CBR4: variants seen among roughly 807,000 people sequenced by gnomAD.
CBR4 encodes carbonyl reductase 4.
In CBR4, 22 loss-of-function variants were observed where a neutral mutation model predicts 21.0. The observed-to-expected ratio is 1.05, with a 90% CI of 0.75 to 1.50. The LOEUF (loss-of-function observed/expected upper bound fraction) is 1.50. CBR4 is among the 40% of genes most tolerant of loss of function. The pLI is 0.00. For synonymous variants in CBR4, 100 were observed against 104.4 expected (o/e 0.96, Z 0.26); for missense variants, 302 against 286.3 (o/e 1.05, Z -0.40).
chr4:168,898,721 T>G (rs1487245767), intron 2 of CBR4: 2 of 1,591,448 alleles, frequency 1.3e-6, no homozygotes, highest in African/African-American at 2.7e-5. Context: ...AAAGGTGAGC[T>G]GGGAGATGGA....
At chr4:168,965,403 T>G (rs1226126128) in intron 2 of CBR4, among the ~76,000 whole-genome samples, 4 of 152,142 alleles carry the variant, frequency 2.6e-5, no homozygotes, top group Non-Finnish European at 5.9e-5. Flanking sequence ...AAAACTACTT[T>G]AAACTTCATA....
intron 2 of CBR4, among the ~76,000 whole-genome samples, chr4:168,958,102 T>C (rs1763741197): frequency 6.6e-6 from 1 of 152,056 alleles, no homozygotes; most frequent in Admixed American, 6.6e-5. Context: ...CCGTCTCTAT[T>C]AAAAATACAA....
intron 2 of CBR4, among the ~76,000 whole-genome samples, chr4:168,924,041 T>C (rs574259388): frequency 2.3e-4 from 35 of 152,322 alleles, no homozygotes; most frequent in Admixed American, 1.2e-3. Context: ...CCTATCAGAC[T>C]TGAATTAATT....
intron 2 of CBR4, among the ~76,000 whole-genome samples, chr4:168,920,182 A>C (rs557143384): frequency 1.3e-5 from 2 of 152,324 alleles, no homozygotes; most frequent in African/African-American, 4.8e-5. Context: ...GGCAGTGTAC[A>C]TGGAGAGCTG....
At chr4:168,949,418 G>A (rs946592059) in intron 2 of CBR4, among the ~76,000 whole-genome samples, 1 of 152,160 alleles carries the variant, frequency 6.6e-6, no homozygotes, top group African/African-American at 2.4e-5. Context: ...GAGAAGTGAT[G>A]AGAGTGGGCA....
chr4:168,915,520 T>C (rs753355124), intron 2 of CBR4, among the ~76,000 whole-genome samples: 11 of 152,234 alleles, frequency 7.2e-5, no homozygotes, highest in Non-Finnish European at 1.2e-4. Flanking sequence ...TTCCTACAAA[T>C]TTAAAAATCA....
chr4:168,899,138 A>C (rs1382427228), intron 2 of CBR4, among the ~76,000 whole-genome samples: 1 of 152,168 alleles, frequency 6.6e-6, no homozygotes, highest in African/African-American at 2.4e-5. Flanking sequence ...TCCAATCTTT[A>C]ATCAAAAAAC....
intron 2 of CBR4, among the ~76,000 whole-genome samples, chr4:168,930,945 C>A (rs1408484365): frequency 1.3e-5 from 2 of 152,150 alleles, no homozygotes; most frequent in African/African-American, 4.8e-5. Context: ...ACTCTCCACC[C>A]CTTAGGTGCC....
chr4:168,976,776 T>C (rs965558639), intron 2 of CBR4, among the ~76,000 whole-genome samples: 2 of 152,284 alleles, frequency 1.3e-5, no homozygotes. Flanking sequence ...ACAAAGTCAA[T>C]TTATCAGTTA....
At chr4:168,915,265 T>C (rs1759868064) in intron 2 of CBR4, among the ~76,000 whole-genome samples, 1 of 152,228 alleles carries the variant, frequency 6.6e-6, no homozygotes, top group African/African-American at 2.4e-5. Context: ...TTTTAAGTCT[T>C]CCCTGCGATT....
At chr4:168,961,410 TAG>T (rs1165116202) in intron 2 of CBR4, among the ~76,000 whole-genome samples, 1 of 152,194 alleles carries the variant, frequency 6.6e-6, no homozygotes, top group African/African-American at 2.4e-5. Context: ...CTAGACAGTT[TAG>T]AGATGCTTTA....
At chr4:168,926,951 T>C (rs1028261807) in intron 2 of CBR4, 2 of 219,618 alleles carry the variant, frequency 9.1e-6, no homozygotes, top group African/African-American at 2.2e-5. Context: ...TTGCCTTAAA[T>C]GTTAATATCA....
chr4:168,935,573 A>G (rs2085573), intron 2 of CBR4, among the ~76,000 whole-genome samples: 145,976 of 152,192 alleles, frequency 0.96, 70,031 homozygotes, highest in East Asian at 1. Flanking sequence ...CAGCTTGGTG[A>G]GGGAGGGGTG....
rs1731054690 is a variant in CBR4 at position 169,007,886 on chromosome 4, G to C, written c.143-130C>G. Reference sequence around the variant, plus strand: ...AGAACCTAAAGATTAAAAAAGTAATGTCATGAGGCCTGGCTTTCATAGAGT... The same window carrying C: ...AGAACCTAAAGATTAAAAAAGTAATCTCATGAGGCCTGGCTTTCATAGAGT... On this transcript the variant is annotated intron_variant, in intron 1 of 4. Transcript: ENST00000306193. 4.9e-5 allele frequency: 27 copies of C among 547,120 alleles called. No individual in the cohort carries two copies. The South Asian group carries it at 7.7e-4, about 16-fold the overall frequency. 33.9% of individuals were successfully genotyped at this position (547,120 alleles called of 1,614,324 possible). A position where few individuals can be genotyped will look rare whatever the true frequency, so the allele number is the denominator to read the frequency against.
intron 2 of CBR4, among the ~76,000 whole-genome samples, chr4:168,909,766 T>C (rs931391151): frequency 2.6e-5 from 4 of 152,212 alleles, no homozygotes; most frequent in Admixed American, 2.6e-4. Context: ...TAATTCTATA[T>C]GACCTTTGTC....
Position 168,989,143 on chromosome 4 carries a change from CA to C in CBR4, c.*1006del. 2.1e-6 allele frequency: 2 copies of C among 967,896 alleles called. No homozygotes were observed. Among genetic ancestry groups the C allele is most frequent in the Non-Finnish European group, 2.5e-6 (2 of 813,990 alleles). The allele number at this position is 967,896 out of a possible 1,614,324, so 60.0% of individuals were successfully genotyped here. On this transcript the variant is annotated 3_prime_UTR_variant, in exon 5 of 5. Transcript: ENST00000306193. ...TATTTATTTATTTTTTATGCTTATTCATACAGAATTTATTACTTTCTAGAAT... is the reference window on the plus strand; with the variant it reads ...TATTTATTTATTTTTTATGCTTATTCTACAGAATTTATTACTTTCTAGAAT...
intron 3 of CBR4, among the ~76,000 whole-genome samples, chr4:169,005,655 T>A (rs1027153777): frequency 6.6e-6 from 1 of 152,198 alleles, no homozygotes; most frequent in Admixed American, 6.5e-5. Flanking sequence ...CTTGTAAGTA[T>A]CCAAAGTCCT....
rs2331451 is a variant in CBR4 at position 168,980,316 on chromosome 4, C to T, written n.169+21755G>A. Among the ~76,000 whole-genome samples, 1,260 of 152,244 alleles carry T rather than the reference C, an allele frequency of 8.3e-3. 12 individuals are homozygous for T. The highest frequency in any genetic ancestry group is 0.029 in the African/African-American group (1,190 of 41,526). On this transcript the variant is annotated intron_variant and non_coding_transcript_variant, in intron 2 of 3. Coordinates refer to the CBR4 transcript ENST00000509108. ...ACATGACTGCAAATGGAAGGAAATA[C>T]AAAGGAGCCACAGGGCTGAGCAAGA...
At chr4:168,958,591 A>C (rs1763755127) in intron 2 of CBR4, among the ~76,000 whole-genome samples, 1 of 152,248 alleles carries the variant, frequency 6.6e-6, no homozygotes, top group African/African-American at 2.4e-5. Context: ...TAGGAGTAGA[A>C]TGGCTGAATT....
Sources: allele counts gnomAD v4.1 joint callset (sites outside exome capture counted in the v4.1 genomes callset), GRCh38; gene constraint gnomAD v4.1.1; transcripts MANE v1.5; gene names NCBI Gene and HGNC (gene_info 2026-07-23, HGNC 2026-07-21).